The following N4BP2L2 variants were observed in gnomAD, a reference collection of about 807,000 sequenced individuals.
N4BP2L2 encodes the protein NEDD4-binding protein 2-like 2.
N4BP2L2 carries 50 observed loss-of-function variants against 56.2 expected under a neutral mutation model. The ratio of observed to expected loss-of-function variants is 0.89; its 90% CI spans 0.71 to 1.13. N4BP2L2 has a LOEUF of 1.13. N4BP2L2 is among the 50% of genes most tolerant of loss of function. The probability of loss-of-function intolerance (pLI) is 0.00; values close to 1 mark genes in which losing one functional copy is unlikely to be tolerated. For synonymous variants in N4BP2L2, 203 were observed against 223.6 expected, an observed-to-expected ratio of 0.91 and a Z score of 0.82; for missense variants, 689 against 693.8, an observed-to-expected ratio of 0.99 and a Z score of 0.08.
chr13:32,435,231 T>G (rs1422344598), intron 9 of N4BP2L2, among the ~76,000 whole-genome samples: 2 of 152,054 alleles, frequency 1.3e-5, no homozygotes, highest in African/African-American at 4.8e-5. Context: ...TCAATAAACA[T>G]TTGCTGAATA....
chr13:32,466,404 T>A (rs2081243795), intron 6 of N4BP2L2, among the ~76,000 whole-genome samples: 1 of 151,898 alleles, frequency 6.6e-6, no homozygotes, highest in African/African-American at 2.4e-5. Flanking sequence ...TCATCTCTAC[T>A]AAAAATACAA....
exon 2 of N4BP2L2, chr13:32,536,091 T>A (rs1457575517): frequency 1.2e-6 from 2 of 1,614,070 alleles, no homozygotes; most frequent in South Asian, 2.2e-5. Flanking sequence ...CCATTTTGTA[T>A]CTGAGAGTCA....
chr13:32,466,552 GA>G (rs987628781), intron 6 of N4BP2L2, among the ~76,000 whole-genome samples: 3 of 151,452 alleles, frequency 2.0e-5, no homozygotes, highest in African/African-American at 7.3e-5. Flanking sequence ...AAGAAAAAAA[GA>G]AAAAAAAGAA....
At chr13:32,530,741 G>C (rs1371624807) in intron 2 of N4BP2L2, among the ~76,000 whole-genome samples, 1 of 151,948 alleles carries the variant, frequency 6.6e-6, no homozygotes, top group East Asian at 1.9e-4. Context: ...GCACCTCCTT[G>C]ACCCCAAAAC....
At chr13:32,529,294 CTG>C (rs1279782880) in intron 2 of N4BP2L2, among the ~76,000 whole-genome samples, 1 of 152,170 alleles carries the variant, frequency 6.6e-6, no homozygotes, top group Non-Finnish European at 1.5e-5. Context: ...CAATTAAAAA[CTG>C]TGATTACTTT....
chr13:32,458,376 T>C (rs1452620056), intron 6 of N4BP2L2, among the ~76,000 whole-genome samples: 3 of 152,202 alleles, frequency 2.0e-5, no homozygotes, highest in Admixed American at 2.0e-4. Context: ...AATTGATTTT[T>C]TAAATTACCC....
At chr13:32,511,327 T>C (rs1323700018) in exon 6 of N4BP2L2, 1 of 152,206 alleles carries the variant, frequency 6.6e-6, no homozygotes, top group African/African-American at 2.4e-5. Context: ...AAAATAGTTA[T>C]CAGCTTTCCT....
At chr13:32,473,585 C>T (rs888357874) in intron 6 of N4BP2L2, among the ~76,000 whole-genome samples, 4 of 152,170 alleles carry the variant, frequency 2.6e-5, no homozygotes, top group African/African-American at 9.7e-5. Context: ...CAAAATAGGT[C>T]TTACTGGATT....
intron 6 of N4BP2L2, among the ~76,000 whole-genome samples, chr13:32,471,492 G>A (rs532778142): frequency 5.9e-5 from 9 of 152,340 alleles, no homozygotes; most frequent in Middle Eastern, 3.4e-3. Context: ...ACCGTGCACA[G>A]GGCTTGTGCG....
Position 32,442,798 on chromosome 13 carries a change from G to T in N4BP2L2, c.1694C>A (p.Ser565Ter). ...TGCAGAGCACCTTAGTCTGTTAAAT[G>T]ACAGGCAATGAGAATAACGCTGTCC... The change falls in exon 7 of 10, where the codon TCA (serine) becomes TAA (stop). Residue 565 changes from serine to a stop codon, truncating the protein, a stop_gained. Transcript: ENST00000357505. LOFTEE classifies it high-confidence loss of function. The T allele has an allele frequency of 1.9e-6, 3 of 1,613,704 alleles. No homozygotes were observed. The highest frequency in any genetic ancestry group is 2.7e-5 in the African/African-American group (2 of 75,034).
intron 6 of N4BP2L2, among the ~76,000 whole-genome samples, chr13:32,485,473 A>G (rs999723373): frequency 3.9e-5 from 6 of 152,156 alleles, no homozygotes. Context: ...TATAAAAACC[A>G]AAAACATCAC....
intron 6 of N4BP2L2, among the ~76,000 whole-genome samples, chr13:32,487,955 T>A (rs2086247029): frequency 6.6e-6 from 1 of 151,868 alleles, no homozygotes; most frequent in South Asian, 2.1e-4. Context: ...ACCTCCCAGG[T>A]TCAAGTGGTT....
chr13:32,458,363 C>A (rs1186750443), intron 6 of N4BP2L2, among the ~76,000 whole-genome samples: 8 of 152,176 alleles, frequency 5.3e-5, no homozygotes, highest in Non-Finnish European at 1.0e-4. Context: ...CTGTGCCCGG[C>A]CAAATTGATT....
intron 6 of N4BP2L2, among the ~76,000 whole-genome samples, chr13:32,476,337 C>A (rs1216943379): frequency 1.3e-5 from 2 of 152,206 alleles, no homozygotes; most frequent in Admixed American, 1.3e-4. Context: ...CAAATGGCTT[C>A]TTTGCTTTTG....
At chr13:32,494,556 G>T (rs190060568) in intron 6 of N4BP2L2, among the ~76,000 whole-genome samples, 3 of 152,140 alleles carry the variant, frequency 2.0e-5, no homozygotes, top group Admixed American at 2.0e-4. Flanking sequence ...GAGGTCAGGA[G>T]ATCGAGACCA....
chr13:32,441,888 A>AAAATAAATAAATGAAT (rs2076424867), intron 7 of N4BP2L2, among the ~76,000 whole-genome samples: 2 of 138,908 alleles, frequency 1.4e-5, no homozygotes, highest in African/African-American at 5.4e-5. Context: ...CTAAAAATAC[A>AAAATAAATAAATGAAT]AAATAAATAA....
intron 6 of N4BP2L2, among the ~76,000 whole-genome samples, chr13:32,455,994 G>A (rs192601481): frequency 2.1e-4 from 32 of 152,164 alleles, no homozygotes; most frequent in African/African-American, 7.5e-4. Context: ...ACATTGCCCA[G>A]GAGACCAAGA....
chr13:32,442,031 A>G (rs922028400), intron 7 of N4BP2L2, among the ~76,000 whole-genome samples: 2 of 152,328 alleles, frequency 1.3e-5, no homozygotes, highest in Admixed American at 6.5e-5. Flanking sequence ...AGCCGAGATC[A>G]CGCCACTGCG....
At chr13:32,432,653 G>C (rs1216307753) in exon 10 of N4BP2L2, 1 of 152,116 alleles carries the variant, frequency 6.6e-6, no homozygotes, top group Non-Finnish European at 1.5e-5. Context: ...CCAATACTTG[G>C]ATATAGGGGC....
Sources: gnomAD v4.1 joint callset for allele counts (sites outside exome capture counted in the v4.1 genomes callset) on GRCh38, gnomAD v4.1.1 for gene constraint, MANE v1.5 for transcripts, NCBI Gene and HGNC (gene_info 2026-07-23, HGNC 2026-07-21) for gene names.